SPTLC2: variants seen among roughly 807,000 people sequenced by gnomAD.
The protein encoded by SPTLC2 is serine palmitoyltransferase long chain base subunit 2, also known as serine palmitoyltransferase 2.
A neutral mutation model predicts 62.0 loss-of-function variants in SPTLC2; 21 were observed. The ratio of observed to expected loss-of-function variants is 0.34; its 90% confidence interval spans 0.24 to 0.49. The LOEUF is 0.49. SPTLC2 is among the 20% of genes least tolerant of loss of function. The pLI is 0.99. For missense variants in SPTLC2, 511 were observed against 713.0 expected (o/e 0.72, Z 3.23); for synonymous variants, 261 against 261.8 (o/e 1.00, Z 0.03).
chr14:77,604,578 T>C (rs929538786), intron 1 of SPTLC2, among the ~76,000 whole-genome samples: 6 of 152,084 alleles, frequency 3.9e-5, no homozygotes, highest in African/African-American at 1.4e-4. Flanking sequence ...TTTTAAAAAA[T>C]ATTTCCCGGC....
At chr14:77,566,730 G>A (rs1193783690) in intron 5 of SPTLC2, among the ~76,000 whole-genome samples, 2 of 152,104 alleles carry the variant, frequency 1.3e-5, no homozygotes, top group Non-Finnish European at 2.9e-5. Flanking sequence ...AAAGTCCTGG[G>A]ATTACAGGCG....
rs141075790 is a variant in SPTLC2 at position 77,567,127 on chromosome 14, C to T, written c.756+3257G>A. Among the ~76,000 whole-genome samples, 589 of 152,202 alleles carry T rather than the reference C, an allele frequency of 3.9e-3. 6 individuals are homozygous for T. The highest frequency in any genetic ancestry group is 0.037 in the East Asian group (192 of 5,144). ...CTGGGACTACAGGCACCCGCCACCACGCCCGGCTAATTTGTTGTATTTTTA... is the reference window on the plus strand; with the variant it reads ...CTGGGACTACAGGCACCCGCCACCATGCCCGGCTAATTTGTTGTATTTTTA... On this transcript the variant is annotated intron_variant, in intron 5 of 11. Transcript: ENST00000216484.
At position 77,593,027 on chromosome 14, in the gene SPTLC2, G is replaced by A. The variant is rs902726422; in HGVS notation, c.327+4159C>T. Among the ~76,000 whole-genome samples the A allele has an allele frequency of 2.0e-5, 3 of 151,708 alleles. No individual in the cohort carries two copies. The East Asian group carries it at 5.8e-4, about 29-fold the overall frequency. Reference sequence around the variant, plus strand: ...CTGAGGCAAGAGAATCACTTGAACCGTGGAGGCGGAGATTGCAGTGAGCCG... The same window carrying A: ...CTGAGGCAAGAGAATCACTTGAACCATGGAGGCGGAGATTGCAGTGAGCCG... On this transcript the variant is annotated intron_variant, in intron 2 of 11. Coordinates refer to ENST00000216484, the MANE Select transcript of SPTLC2 (RefSeq NM_004863.4).
In SPTLC2 at chr14:77,589,843, T is replaced by A. The variant is rs367858238; in HGVS notation, c.327+7343A>T. 1.1e-4 allele frequency among the ~76,000 whole-genome samples: 17 copies of A among 151,010 alleles called. No individual in the cohort carries two copies. In the South Asian group the frequency reaches 3.6e-3, roughly 32 times the overall value. Reference sequence around the variant, plus strand: ...AATACAAAAAATTAGCTGGGCGTGGTGGTGCACGCCTGCAGTCCCAGCTAC... The same window carrying A: ...AATACAAAAAATTAGCTGGGCGTGGAGGTGCACGCCTGCAGTCCCAGCTAC... On this transcript the variant is annotated intron_variant, in intron 2 of 11. Transcript: ENST00000216484.
At chr14:77,601,961 T>C (rs143299994) in intron 1 of SPTLC2, among the ~76,000 whole-genome samples, 1 of 152,210 alleles carries the variant, frequency 6.6e-6, no homozygotes. Context: ...TCTCTGATTA[T>C]TCACCCACGT....
chr14:77,589,338 A>T (rs2079802195), intron 2 of SPTLC2, among the ~76,000 whole-genome samples: 1 of 152,150 alleles, frequency 6.6e-6, no homozygotes, highest in Non-Finnish European at 1.5e-5. Flanking sequence ...ATAAAAAAAC[A>T]CTGGTTTTTC....
chr14:77,558,509 T>C (rs764207243), intron 6 of SPTLC2, among the ~76,000 whole-genome samples: 2 of 152,212 alleles, frequency 1.3e-5, no homozygotes, highest in Non-Finnish European at 2.9e-5. Flanking sequence ...AGGTTGTGAC[T>C]GTGCTTACAC....
At position 77,512,074 on chromosome 14, in the gene SPTLC2, T is replaced by C; in HGVS notation, c.*210A>G. On this transcript the variant is annotated 3_prime_UTR_variant, in exon 12 of 12. Coordinates refer to ENST00000216484, the MANE Select transcript of SPTLC2 (RefSeq NM_004863.4). ...AAAAGCAAAGTGAGTCACCTTCGTT[T>C]TTAAAGGTGAGATTTAGCAAAGGAA... is the stretch of plus-strand genomic sequence containing the variant. 1 of 638,892 alleles carries C rather than the reference T, an allele frequency of 1.6e-6. No individual in the cohort carries two copies. The allele number at this position is 638,892 out of a possible 1,614,324, so 39.6% of individuals were successfully genotyped here.
chr14:77,588,123 G>A (rs991450364), intron 2 of SPTLC2, among the ~76,000 whole-genome samples: 4 of 152,002 alleles, frequency 2.6e-5, no homozygotes, highest in Non-Finnish European at 4.4e-5. Flanking sequence ...ATTTTTTGTA[G>A]AGACAAGATC....
chr14:77,546,135 C>T (rs1168114346), intron 9 of SPTLC2, among the ~76,000 whole-genome samples: 2 of 152,192 alleles, frequency 1.3e-5, no homozygotes, highest in South Asian at 4.1e-4. Context: ...CATCATGCAA[C>T]CTCAGAAGTA....
intron 6 of SPTLC2, among the ~76,000 whole-genome samples, chr14:77,559,434 A>G (rs990640376): frequency 3.9e-5 from 6 of 152,222 alleles, no homozygotes; most frequent in African/African-American, 1.2e-4. Context: ...AATAAAAAAT[A>G]TATCGCAAAA....
chr14:77,517,468 C>T (rs1231675073), intron 11 of SPTLC2, among the ~76,000 whole-genome samples: 1 of 152,164 alleles, frequency 6.6e-6, no homozygotes, highest in Non-Finnish European at 1.5e-5. Flanking sequence ...TGATCCCCAA[C>T]TAGATGCCTG....
rs2079330397 is a variant in SPTLC2 at position 77,511,138 on chromosome 14, C to G, written c.*1146G>C. The G allele has an allele frequency of 6.6e-6, 1 of 152,124 alleles. No individual in the cohort carries two copies. Among genetic ancestry groups the G allele is most frequent in the African/African-American group, 2.4e-5 (1 of 41,424 alleles). The allele number at this position is 152,124 out of a possible 1,614,324, so 9.4% of individuals were successfully genotyped here. On this transcript the variant is annotated 3_prime_UTR_variant, in exon 12 of 12. Coordinates refer to ENST00000216484, the MANE Select transcript of SPTLC2 (RefSeq NM_004863.4). ...GCCAGATTCAATTGACTTAGGACAT[C>G]AAGAATAAAAGAGAACTAGCATTCA...
chr14:77,520,319 C>T (rs1377678994), intron 10 of SPTLC2, among the ~76,000 whole-genome samples: 1 of 152,204 alleles, frequency 6.6e-6, no homozygotes, highest in African/African-American at 2.4e-5. Context: ...TCTCAGGGAG[C>T]ACCTTTTCCT....
Position 77,579,041 on chromosome 14 carries a change from G to A in SPTLC2, c.396C>T (p.Asp132=). ...YTRNLYMRIR[D]NWNRPICSVP... ...CACTACAGATTGGCCGATTCCAGTT[G>A]TCTCTTATCCTCATGTACAGATTCC... is the stretch of plus-strand genomic sequence containing the variant. The change falls in exon 3 of 12, where the codon GAC becomes GAT. Residue 132 remains aspartate, a synonymous_variant. Transcript: ENST00000216484. 6.2e-7 allele frequency: 1 copy of A among 1,614,066 alleles called. No homozygotes were observed. The highest frequency in any genetic ancestry group is 8.5e-7 in the Non-Finnish European group (1 of 1,179,998).
chr14:77,529,362 A>G (rs999997424), intron 9 of SPTLC2, among the ~76,000 whole-genome samples: 1 of 147,094 alleles, frequency 6.8e-6, no homozygotes, highest in Non-Finnish European at 1.5e-5. Flanking sequence ...CATACCCTTG[A>G]TGTTTACTTT....
intron 9 of SPTLC2, among the ~76,000 whole-genome samples, chr14:77,549,099 TG>T (rs2079543180): frequency 6.6e-6 from 1 of 152,068 alleles, no homozygotes; most frequent in South Asian, 2.1e-4. Context: ...GGGAGGTGTG[TG>T]GATCATGGGG....
chr14:77,564,538 G>C (rs1033860226), intron 5 of SPTLC2, among the ~76,000 whole-genome samples: 1 of 151,642 alleles, frequency 6.6e-6, no homozygotes, highest in Non-Finnish European at 1.5e-5. Context: ...TACTCCTTCA[G>C]CAATAAACAC....
chr14:77,568,108 T>G (rs1594994924), intron 5 of SPTLC2, among the ~76,000 whole-genome samples: 1 of 152,226 alleles, frequency 6.6e-6, no homozygotes, highest in South Asian at 2.1e-4. Context: ...TGCTATACAT[T>G]TCCATCTGAG....
Sources: allele counts gnomAD v4.1 joint callset (sites outside exome capture counted in the v4.1 genomes callset), GRCh38; gene constraint gnomAD v4.1.1; transcripts MANE v1.5; gene names NCBI Gene and HGNC (gene_info 2026-07-23, HGNC 2026-07-21).